PDE4B: variants seen among roughly 807,000 people sequenced by gnomAD.
PDE4B encodes phosphodiesterase 4B.
In PDE4B, 20 loss-of-function variants were observed where a neutral mutation model predicts 82.2. The ratio of observed to expected loss-of-function variants is 0.24; its 90% CI spans 0.17 to 0.35. PDE4B has a LOEUF of 0.35. Ranked by LOEUF, PDE4B falls within the 10% of genes least tolerant of loss-of-function variation. PDE4B has a pLI of 1.00. For synonymous variants in PDE4B, 320 were observed against 318.9 expected (o/e 1.00, Z -0.04); for missense variants, 655 against 907.2 (o/e 0.72, Z 3.57).
intron 3 of PDE4B, among the ~76,000 whole-genome samples, chr1:66,174,788 A>G (rs1340175533): frequency 6.6e-6 from 1 of 151,312 alleles, no homozygotes; most frequent in African/African-American, 2.4e-5. Context: ...AACAACAACA[A>G]CAACAAACTA....
chr1:66,066,079 A>C (rs1655829626), intron 3 of PDE4B, among the ~76,000 whole-genome samples: 1 of 151,582 alleles, frequency 6.6e-6, no homozygotes, highest in Non-Finnish European at 1.5e-5. Flanking sequence ...TCTTCCTTCT[A>C]GTAACAAAAA....
At chr1:66,221,988 A>T (rs571031473) in intron 3 of PDE4B, among the ~76,000 whole-genome samples, 1 of 152,148 alleles carries the variant, frequency 6.6e-6, no homozygotes, top group Non-Finnish European at 1.5e-5. Context: ...AAACAGAAAA[A>T]GGTCTATTAT....
At chr1:65,929,361 T>C (rs1051587448) in intron 3 of PDE4B, among the ~76,000 whole-genome samples, 3 of 152,176 alleles carry the variant, frequency 2.0e-5, no homozygotes, top group African/African-American at 7.2e-5. Context: ...AGTTTACAAA[T>C]TCAGTATCCC....
intron 3 of PDE4B, among the ~76,000 whole-genome samples, chr1:66,075,217 A>C (rs1307865982): frequency 3.3e-5 from 5 of 151,976 alleles, no homozygotes; most frequent in Admixed American, 3.3e-4. Context: ...CCTTTGAATT[A>C]TTTCCTGGGC....
chr1:66,314,945 C>T (rs184926298), intron 7 of PDE4B, among the ~76,000 whole-genome samples: 1 of 152,304 alleles, frequency 6.6e-6, no homozygotes, highest in East Asian at 1.9e-4. Flanking sequence ...ATGGTTTGCC[C>T]TTGCTGTTTT....
At chr1:66,113,377 G>T (rs1333693804) in intron 3 of PDE4B, among the ~76,000 whole-genome samples, 1 of 152,052 alleles carries the variant, frequency 6.6e-6, no homozygotes, top group Non-Finnish European at 1.5e-5. Flanking sequence ...AACAAAAATG[G>T]GTTTCATCAA....
chr1:66,260,054 C>A (rs781684659), intron 6 of PDE4B, among the ~76,000 whole-genome samples: 2 of 152,138 alleles, frequency 1.3e-5, no homozygotes, highest in Non-Finnish European at 2.9e-5. Flanking sequence ...TAAATGTGAG[C>A]TATTATAATG....
chr1:66,184,567 G>A (rs969264886), intron 3 of PDE4B, among the ~76,000 whole-genome samples: 2 of 152,144 alleles, frequency 1.3e-5, no homozygotes, highest in African/African-American at 2.4e-5. Context: ...TTCTCTATTT[G>A]AGAGAACATA....
chr1:66,179,396 G>A (rs1297850508), intron 3 of PDE4B, among the ~76,000 whole-genome samples: 5 of 152,158 alleles, frequency 3.3e-5, no homozygotes, highest in Non-Finnish European at 7.3e-5. Context: ...ATGATGGAGG[G>A]TAGGAAGTGA....
At chr1:66,332,202 G>T in intron 7 of PDE4B, 1 of 1,430,496 alleles carries the variant, frequency 7.0e-7, no homozygotes, top group Admixed American at 2.9e-5. Flanking sequence ...ACACATTTAT[G>T]CAGATGAGCT....
intron 7 of PDE4B, among the ~76,000 whole-genome samples, chr1:66,329,562 T>C (rs1211638211): frequency 6.6e-6 from 1 of 152,196 alleles, no homozygotes; most frequent in Non-Finnish European, 1.5e-5. Flanking sequence ...CAGCTATCTC[T>C]CTTTCTTTTC....
intron 3 of PDE4B, among the ~76,000 whole-genome samples, chr1:66,187,554 A>G (rs1239145366): frequency 6.6e-6 from 1 of 152,244 alleles, no homozygotes; most frequent in African/African-American, 2.4e-5. Flanking sequence ...TTCCTGGTTT[A>G]GTCTTGGGAG....
chr1:66,039,431 A>C (rs1654241686), intron 3 of PDE4B, among the ~76,000 whole-genome samples: 1 of 152,082 alleles, frequency 6.6e-6, no homozygotes. Context: ...TTTATCTAAC[A>C]GTATTATTAT....
At chr1:66,316,843 GA>G (rs1422632902) in intron 7 of PDE4B, among the ~76,000 whole-genome samples, 3 of 152,166 alleles carry the variant, frequency 2.0e-5, no homozygotes, top group Admixed American at 2.0e-4. Flanking sequence ...AACCATAGCT[GA>G]AATACAAAAT....
At chr1:66,211,006 G>A (rs2101575075) in intron 3 of PDE4B, among the ~76,000 whole-genome samples, 1 of 152,284 alleles carries the variant, frequency 6.6e-6, no homozygotes, top group South Asian at 2.1e-4. Flanking sequence ...CTAGAGGTGT[G>A]GACCAAAAGC....
At chr1:65,851,061 A>T (rs988405880) in intron 1 of PDE4B, among the ~76,000 whole-genome samples, 2 of 152,164 alleles carry the variant, frequency 1.3e-5, no homozygotes, top group Admixed American at 6.6e-5. Context: ...TCTAGCAACA[A>T]TTAGCTAAAA....
chr1:66,235,096 C>G (rs1183521876), intron 3 of PDE4B, among the ~76,000 whole-genome samples: 9 of 152,140 alleles, frequency 5.9e-5, no homozygotes, highest in Non-Finnish European at 1.5e-5. Flanking sequence ...TAGTTTAATT[C>G]CGCTCTGATC....
intron 1 of PDE4B, among the ~76,000 whole-genome samples, chr1:65,859,543 T>C (rs1488972431): frequency 6.6e-6 from 1 of 152,178 alleles, no homozygotes; most frequent in Non-Finnish European, 1.5e-5. Context: ...ATTTTAAAAT[T>C]TGGTATTCAG....
chr1:66,180,409 A>T (rs759324419), intron 3 of PDE4B, among the ~76,000 whole-genome samples: 1 of 152,206 alleles, frequency 6.6e-6, no homozygotes, highest in Non-Finnish European at 1.5e-5. Context: ...GAGTTTTTTC[A>T]TAAAGTCTTT....
Sources: allele counts gnomAD v4.1 joint callset (sites outside exome capture counted in the v4.1 genomes callset), GRCh38; gene constraint gnomAD v4.1.1; transcripts MANE v1.5; gene names NCBI Gene and HGNC (gene_info 2026-07-23, HGNC 2026-07-21).